The following GTF2F2 variants were observed in gnomAD, a reference collection of about 807,000 sequenced individuals.
The protein encoded by GTF2F2 is ATP-dependent helicase GTF2F2.
GTF2F2 carries 23 observed loss-of-function variants against 42.2 expected under a neutral mutation model. The observed-to-expected ratio is 0.55, with a 90% CI of 0.39 to 0.77. The LOEUF (loss-of-function observed/expected upper bound fraction) is 0.77. Among genes scored for constraint, GTF2F2 ranks in the 30% least tolerant of loss-of-function variants. The pLI is 0.00. For missense variants in GTF2F2, 261 were observed against 287.2 expected (o/e 0.91, Z 0.66); for synonymous variants, 105 against 100.8 (o/e 1.04, Z -0.25).
intron 5 of GTF2F2, among the ~76,000 whole-genome samples, chr13:45,245,858 G>A (rs577272007): frequency 6.3e-5 from 9 of 142,402 alleles, no homozygotes; most frequent in Non-Finnish European, 1.2e-4. Context: ...GGAGAATGGC[G>A]TGAACCTGGA....
intron 5 of GTF2F2, among the ~76,000 whole-genome samples, chr13:45,228,314 A>C: frequency 1.2e-5 from 1 of 81,008 alleles, no homozygotes; most frequent in African/African-American, 7.0e-5. Context: ...ACGGAGTTTC[A>C]CTCTTGTTGC....
At chr13:45,254,531 C>G (rs141873753) in intron 6 of GTF2F2, among the ~76,000 whole-genome samples, 1 of 152,124 alleles carries the variant, frequency 6.6e-6, no homozygotes, top group Non-Finnish European at 1.5e-5. Flanking sequence ...AATCTTCATA[C>G]CAACCCTATG....
chr13:45,194,680 C>CGCAGGCGAT, intron 4 of GTF2F2: 2 of 982,812 alleles, frequency 2.0e-6, no homozygotes, highest in Non-Finnish European at 3.1e-6. Context: ...GGAATGGAAA[C>CGCAGGCGAT]GCTGGCAGCA....
At chr13:45,189,058 C>T (rs1182619647) in intron 4 of GTF2F2, among the ~76,000 whole-genome samples, 1 of 152,066 alleles carries the variant, frequency 6.6e-6, no homozygotes, top group East Asian at 1.9e-4. Flanking sequence ...CCCCGGCTCC[C>T]CACCCCACAA....
rs1008658841 is a variant in GTF2F2, at chr13:45,249,759, C to T, written c.387-3112C>T. On this transcript the variant is annotated intron_variant, in intron 5 of 7. Transcript: ENST00000340473. ...AACAGGGAAGATAATTTAGCGGCAA[C>T]ATAACAGATTACCATTTAGAGAGGC... Among the ~76,000 whole-genome samples, 8 of 152,218 alleles carry T rather than the reference C, an allele frequency of 5.3e-5. No individual in the cohort carries two copies. The South Asian group carries it at 6.2e-4, about 12-fold the overall frequency.
At chr13:45,150,718 A>G (rs1318913349) in intron 3 of GTF2F2, among the ~76,000 whole-genome samples, 1 of 117,640 alleles carries the variant, frequency 8.5e-6, no homozygotes, top group African/African-American at 3.9e-5. Context: ...TAATTTTTGT[A>G]TTTTTAGTAG....
intron 5 of GTF2F2, among the ~76,000 whole-genome samples, chr13:45,224,927 G>C (rs1874267274): frequency 6.6e-6 from 1 of 152,212 alleles, no homozygotes; most frequent in African/African-American, 2.4e-5. Flanking sequence ...GTCAGGCATT[G>C]TGCTAGGCAC....
chr13:45,125,303 GT>G (rs1160649636), intron 1 of GTF2F2, among the ~76,000 whole-genome samples: 4 of 150,630 alleles, frequency 2.7e-5, no homozygotes, highest in Non-Finnish European at 4.4e-5. Flanking sequence ...GCGTCTCTCT[GT>G]TTTTTTTTGT....
chr13:45,209,382 A>G (rs2138191210), intron 5 of GTF2F2, among the ~76,000 whole-genome samples: 1 of 152,342 alleles, frequency 6.6e-6, no homozygotes, highest in East Asian at 1.9e-4. Flanking sequence ...TTGCCTAACA[A>G]TGTATTTCTC....
At position 45,267,283 on chromosome 13, in the gene GTF2F2, T is replaced by A. The variant is rs1876602933; in HGVS notation, c.537T>A (p.Asp179Glu). The A allele has an allele frequency of 6.2e-7, 1 of 1,611,886 alleles. No individual in the cohort carries two copies. The highest frequency in any genetic ancestry group is 8.5e-7 in the Non-Finnish European group (1 of 1,178,108). Residue 179 changes from aspartate (D) to glutamate (E), a missense_variant, in exon 7 of 8, where the codon GAT becomes GAA. Asp to Glu is a conservative substitution (Grantham distance 45). Transcript: ENST00000340473. ...KKEDGKRARA[D>E]KQHVLDMLFS... ...AAGACGGAAAGCGAGCTCGAGCTGA[T>A]AAACAACATGTTTTAGACATGCTAT...
At chr13:45,252,996 A>G (rs766888068) in intron 6 of GTF2F2, 26 bp downstream of exon 6, 7 of 897,838 alleles carry the variant, frequency 7.8e-6, no homozygotes, top group Non-Finnish European at 1.2e-5. Context: ...GTCTCTTTTC[A>G]TTCTTTTATA....
In GTF2F2 at chr13:45,151,796, G is replaced by T. The variant is rs1341726757; in HGVS notation, c.269G>T (p.Gly90Val). ...CCATTTGTCTTGCAAAGTGTTGGAG[G>T]ACAGACATTAACAGTATTTACTGAG... Reference protein sequence around the residue: ...EHPFVLQSVGGQTLTVFTESS... With the variant: ...EHPFVLQSVGVQTLTVFTESS... The change falls in exon 4 of 8, where the codon GGA (glycine) becomes GTA (valine). Residue 90 changes from glycine to valine, a missense_variant. By Grantham distance (109) the Gly-to-Val change is moderately radical (BLOSUM62 -3). Coordinates refer to ENST00000340473, the MANE Select transcript of GTF2F2 (RefSeq NM_004128.3). 6.3e-7 allele frequency: 1 copy of T among 1,576,770 alleles called. No homozygotes were observed. Among genetic ancestry groups the T allele is most frequent in the Non-Finnish European group, 8.7e-7 (1 of 1,154,938 alleles).
At chr13:45,132,061 A>G (rs1205965679) in intron 1 of GTF2F2, among the ~76,000 whole-genome samples, 2 of 152,168 alleles carry the variant, frequency 1.3e-5, no homozygotes, top group African/African-American at 4.8e-5. Flanking sequence ...TGAAGACACT[A>G]ATAGGATTGT....
chr13:45,204,955 T>C (rs181432997), intron 4 of GTF2F2, among the ~76,000 whole-genome samples: 1 of 152,252 alleles, frequency 6.6e-6, no homozygotes, highest in Admixed American at 6.5e-5. Flanking sequence ...GGTGGCCAAG[T>C]TGTAATGGGC....
At chr13:45,143,242 T>G (rs994486299) in intron 2 of GTF2F2, among the ~76,000 whole-genome samples, 7 of 152,120 alleles carry the variant, frequency 4.6e-5, no homozygotes, top group Admixed American at 2.6e-4. Flanking sequence ...AGTATGTAGG[T>G]TTATAGGTTA....
chr13:45,209,845 C>T (rs1873562372), intron 5 of GTF2F2, among the ~76,000 whole-genome samples: 1 of 152,130 alleles, frequency 6.6e-6, no homozygotes, highest in Admixed American at 6.5e-5. Flanking sequence ...TTTTTTCAGT[C>T]CAAAACCATT....
At chr13:45,121,854 T>TTTA (rs1868651450) in intron 1 of GTF2F2, among the ~76,000 whole-genome samples, 2 of 152,178 alleles carry the variant, frequency 1.3e-5, no homozygotes, top group African/African-American at 4.8e-5. Flanking sequence ...AAAGGATGGA[T>TTTA]TAAATAGGCA....
At chr13:45,162,408 G>C (rs1871081571) in intron 4 of GTF2F2, among the ~76,000 whole-genome samples, 2 of 152,302 alleles carry the variant, frequency 1.3e-5, no homozygotes, top group South Asian at 4.1e-4. Flanking sequence ...AATCATACCA[G>C]CTTCTGACAA....
At chr13:45,201,261 A>G (rs1472354657) in intron 4 of GTF2F2, among the ~76,000 whole-genome samples, 1 of 152,250 alleles carries the variant, frequency 6.6e-6, no homozygotes, top group Non-Finnish European at 1.5e-5. Context: ...ATAATCCAGC[A>G]TAGAGCACAA....
Sources: gnomAD v4.1 joint callset for allele counts (sites outside exome capture counted in the v4.1 genomes callset) on GRCh38, gnomAD v4.1.1 for gene constraint, MANE v1.5 for transcripts, NCBI Gene and HGNC (gene_info 2026-07-23, HGNC 2026-07-21) for gene names.